The following ARHGEF1 variants were observed in gnomAD, a reference collection of about 807,000 sequenced individuals.
ARHGEF1 encodes Rho guanine nucleotide exchange factor 1, also known as 115 kDa guanine nucleotide exchange factor.
Under a neutral mutation model 119.7 loss-of-function variants are expected in ARHGEF1, and 40 were observed. That is an observed-to-expected ratio of 0.33 (90% CI 0.26 to 0.44). The LOEUF is 0.44. Ranked by LOEUF, ARHGEF1 falls within the 20% of genes least tolerant of loss-of-function variation. The pLI is 1.00. For missense variants in ARHGEF1, 976 were observed against 1,268.3 expected (o/e 0.77, Z 3.50); for synonymous variants, 494 against 521.0 (o/e 0.95, Z 0.71).
intron 18 of ARHGEF1, among the ~76,000 whole-genome samples, chr19:41,914,252 C>T (rs2074772796): frequency 6.6e-6 from 1 of 151,388 alleles, no homozygotes; most frequent in Admixed American, 6.6e-5. Flanking sequence ...TCTCCATCTG[C>T]CCCGTCTCGG....
rs367629351 is a variant in ARHGEF1, at chr19:41,903,093, GTT to G, written c.1739-204_1739-203del. 0.03 allele frequency among the ~76,000 whole-genome samples: 4,420 copies of G among 146,420 alleles called. 220 individuals are homozygous for G. The highest frequency in any genetic ancestry group is 0.1 in the African/African-American group (4,156 of 40,314). On this transcript the variant is annotated intron_variant, in intron 18 of 28. Transcript: ENST00000354532. The surrounding 1 kb of genome is among the most constrained non-coding windows in gnomAD (Gnocchi z 4.2). ...CCACCATGCCCAGCTAATTTTTTTAGTTTTTTTTTTTAGAGACGGGGTCTCGC... is the reference window on the plus strand; with the variant it reads ...CCACCATGCCCAGCTAATTTTTTTAGTTTTTTTTTAGAGACGGGGTCTCGC...
Position 41,904,190 on chromosome 19 carries a change from C to G in ARHGEF1, c.1994-26C>G. 4.3e-6 allele frequency: 7 copies of G among 1,612,672 alleles called. No individual in the cohort carries two copies. Among genetic ancestry groups the G allele is most frequent in the Non-Finnish European group, 5.9e-6 (7 of 1,179,002 alleles). On this transcript the variant is annotated intron_variant, in intron 21 of 28. Coordinates refer to ENST00000354532, the MANE Select transcript of ARHGEF1 (RefSeq NM_004706.4). This position sits in a 1 kb window ranked among gnomAD's most constrained non-coding sequence, Gnocchi z 8.4. ...GGGGAGGGGGTCGCGCGGGGGCACGCCGTGTGAGCACTGCTCGCCCCGTAG... is the reference window on the plus strand; with the variant it reads ...GGGGAGGGGGTCGCGCGGGGGCACGGCGTGTGAGCACTGCTCGCCCCGTAG...
intron 13 of ARHGEF1, chr19:41,897,324 G>A (rs2052928890): frequency 1.6e-6 from 2 of 1,270,818 alleles, no homozygotes; most frequent in East Asian, 1.2e-4. Context: ...GAAGGTGGAA[G>A]AGGTGGGTGC....
intron 13 of ARHGEF1, 96 bp from the exon 14 acceptor site, chr19:41,898,346 G>A: frequency 1.3e-6 from 2 of 1,532,266 alleles, no homozygotes; most frequent in South Asian, 1.2e-5. Context: ...GGCATCGAAT[G>A]CCAAGGCCAC....
At chr19:41,900,645 G>A (rs914714958) in intron 14 of ARHGEF1, among the ~76,000 whole-genome samples, 4 of 152,034 alleles carry the variant, frequency 2.6e-5, no homozygotes, top group South Asian at 4.2e-4. Flanking sequence ...TGGCAGGTGG[G>A]ATGACTAGCT....
In ARHGEF1 at chr19:41,905,411, A is replaced by G. The variant is rs559881540; in HGVS notation, c.2336+150A>G. 122 of 703,100 alleles carry G rather than the reference A, an allele frequency of 1.7e-4. No homozygotes were observed. The highest frequency in any genetic ancestry group is 2.7e-4 in the Non-Finnish European group (113 of 425,456). 43.6% of individuals were successfully genotyped at this position (703,100 alleles called of 1,614,324 possible). A position where few individuals can be genotyped will look rare whatever the true frequency, so the allele number is the denominator to read the frequency against. ...CATACATGTGTGTCTGTACGCAAGT[A>G]TGTGACTGTGCGTGCATATATAGTG... On this transcript the variant is annotated intron_variant, in intron 24 of 28. Transcript: ENST00000354532. The surrounding 1 kb of genome is among the most constrained non-coding windows in gnomAD (Gnocchi z 6.4).
At chr19:41,908,030 C>G, downstream of ARHGEF1, 1 of 434,324 alleles carries the variant, frequency 2.3e-6, no homozygotes. This position sits in a 1 kb window ranked among gnomAD's most constrained non-coding sequence, Gnocchi z 6.7. Context: ...GGCCGGAGGC[C>G]ATCACATTCC....
At chr19:41,893,105 G>C (rs1208370908) in intron 7 of ARHGEF1, 169 bp from the exon 8 acceptor site, 3 of 1,050,032 alleles carry the variant, frequency 2.9e-6, no homozygotes, top group African/African-American at 3.2e-5. Context: ...TCCTGGATGA[G>C]AGACCTCCCT....
intron 2 of ARHGEF1, among the ~76,000 whole-genome samples, chr19:41,929,151 A>G (rs2074890625): frequency 6.6e-6 from 1 of 152,016 alleles, no homozygotes; most frequent in Admixed American, 6.6e-5. Flanking sequence ...GCACACACAG[A>G]GAAACATATG....
rs1471931058 is a variant in ARHGEF1, at chr19:41,892,449, C to T, written c.367+76C>T. On this transcript the variant is annotated intron_variant, in intron 6 of 28. Transcript: ENST00000354532. The surrounding 1 kb of genome is among the most constrained non-coding windows in gnomAD (Gnocchi z 6.3). ...CCCAGGAGGCCAAGGGGAGGGAGGCCGCACTCCCATGCTCTGCTCGGACAG... is the reference window on the plus strand; with the variant it reads ...CCCAGGAGGCCAAGGGGAGGGAGGCTGCACTCCCATGCTCTGCTCGGACAG... 1.2e-5 allele frequency: 19 copies of T among 1,604,820 alleles called. No individual in the cohort carries two copies. The highest frequency in any genetic ancestry group is 1.6e-4 in the Middle Eastern group (1 of 6,072).
chr19:41,912,164 C>T (rs782407082), downstream of ARHGEF1, among the ~76,000 whole-genome samples: 9 of 152,182 alleles, frequency 5.9e-5, no homozygotes, highest in Admixed American at 5.2e-4. Context: ...CAGATGTGCA[C>T]GTACAAGCAA....
At position 41,904,366 on chromosome 19, in the gene ARHGEF1, C is replaced by G; in HGVS notation, c.2144C>G (p.Thr715Ser). The stretch of plus-strand genomic sequence containing the variant: ...GTGCTGCGGCTCACCTCCGCCATGA[C>G]CCGCGAGGTGGCCACCGGTGAGTGC... ...RPVLRLTSAM[T>S]REVATDHKAF... The change falls in exon 22 of 29, where the codon ACC becomes AGC. Residue 715 changes from threonine to serine, a missense_variant. Thr to Ser is a moderately conservative substitution (Grantham distance 58). Coordinates refer to ENST00000354532, the MANE Select transcript of ARHGEF1 (RefSeq NM_004706.4). The surrounding 1 kb of genome is among the most constrained non-coding windows in gnomAD (Gnocchi z 8.4). The G allele has an allele frequency of 6.3e-7, 1 of 1,582,228 alleles. No homozygotes were observed. The highest frequency in any genetic ancestry group is 8.6e-7 in the Non-Finnish European group (1 of 1,167,782).
intron 18 of ARHGEF1, chr19:41,913,035 CCACCCCAGCCTGA>C (rs1269601391): frequency 9.6e-5 from 42 of 436,016 alleles, no homozygotes; most frequent in African/African-American, 7.3e-4. Flanking sequence ...TCCCAGGTCC[CCACCCCAGCCTGA>C]CACCCTCTCC....
chr19:41,884,650 CA>C (rs2074266662), intron 1 of ARHGEF1, among the ~76,000 whole-genome samples: 1 of 152,124 alleles, frequency 6.6e-6, no homozygotes, highest in Non-Finnish European at 1.5e-5. Flanking sequence ...AGACCCGCCT[CA>C]TTCCGTATAA....
downstream of ARHGEF1, among the ~76,000 whole-genome samples, chr19:41,910,977 G>A (rs2074748336): frequency 1.3e-5 from 2 of 152,088 alleles, no homozygotes; most frequent in East Asian, 3.9e-4. This position sits in a 1 kb window ranked among gnomAD's most constrained non-coding sequence, Gnocchi z 4.4. Context: ...CAACACAAAT[G>A]CCTGACAAGA....
rs1164493405 is a variant in ARHGEF1 at position 41,889,425 on chromosome 19, G to C, written c.225+560G>C. ...GATCCAGAAGCCTCCGGATGAGGCA[G>C]AAGATACCTGGGAGATGTGGATGGA... On this transcript the variant is annotated intron_variant, in intron 4 of 28. Transcript: ENST00000354532. The surrounding 1 kb of genome is among the most constrained non-coding windows in gnomAD (Gnocchi z 4.0). 1 of 152,458 alleles carries C rather than the reference G, an allele frequency of 6.6e-6. No individual in the cohort carries two copies. The highest frequency in any genetic ancestry group is 1.5e-5 in the Non-Finnish European group (1 of 68,208). 9.4% of individuals were successfully genotyped at this position (152,458 alleles called of 1,614,324 possible).
At chr19:41,898,643 A>G in intron 14 of ARHGEF1, 56 bp downstream of exon 14, 1 of 1,520,668 alleles carries the variant, frequency 6.6e-7, no homozygotes, top group Admixed American at 2.2e-5. Context: ...AGCTCTGGCA[A>G]AGGCAAAGAC....
chr19:41,898,597 G>T lies in ARHGEF1; in HGVS notation c.1267+10G>T. 3 of 1,583,216 alleles carry T rather than the reference G, an allele frequency of 1.9e-6. No homozygotes were observed. The highest frequency in any genetic ancestry group is 1.7e-6 in the Non-Finnish European group (2 of 1,165,378). The stretch of plus-strand genomic sequence containing the variant: ...CAGGAGGTCATCAGCGGTGAGTACT[G>T]CCCCCATCACCCCACTGTGGCCAAG... On this transcript the variant is annotated intron_variant, in intron 14 of 28. Coordinates refer to ENST00000354532, the MANE Select transcript of ARHGEF1 (RefSeq NM_004706.4).
intron 14 of ARHGEF1, among the ~76,000 whole-genome samples, chr19:41,900,468 G>A (rs1555848797): frequency 6.6e-6 from 1 of 152,180 alleles, no homozygotes. Context: ...TCCCCAGAAA[G>A]AATATGCATA....
Sources: allele counts gnomAD v4.1 joint callset (sites outside exome capture counted in the v4.1 genomes callset), GRCh38; gene constraint gnomAD v4.1.1; non-coding constraint Gnocchi (gnomAD v3.1); transcripts MANE v1.5; gene names NCBI Gene and HGNC (gene_info 2026-07-23, HGNC 2026-07-21).